The following SC5D variants were observed in gnomAD, a reference collection of about 807,000 sequenced individuals.
SC5D encodes lathosterol oxidase.
In SC5D, 21 loss-of-function variants were observed where a neutral mutation model predicts 23.9. The observed-to-expected ratio is 0.88, with a 90% confidence interval of 0.62 to 1.26. The LOEUF is 1.26. Ranked by LOEUF, SC5D falls within the 50% of genes most tolerant of loss-of-function variation. The pLI, the probability that SC5D is intolerant of heterozygous loss-of-function variation, is 0.00. For synonymous variants in SC5D, 113 were observed against 125.9 expected, an observed-to-expected ratio of 0.90 and a Z score of 0.68; for missense variants, 309 against 364.8, an observed-to-expected ratio of 0.85 and a Z score of 1.25.
Position 121,313,091 on chromosome 11 carries a change from T to A in SC5D, c.*5579T>A, listed in dbSNP as rs961439438. 6.6e-6 allele frequency among the ~76,000 whole-genome samples: 1 copy of A among 152,210 alleles called. No individual in the cohort carries two copies. The highest frequency in any genetic ancestry group is 2.4e-5 in the African/African-American group (1 of 41,464). On this transcript the variant is annotated 3_prime_UTR_variant, in exon 5 of 5. Transcript: ENST00000264027. ...GAACATTTTCTTACCAGAATAAATTTCCTCTCCGTTTGCAGTCATTCTCCC... is the reference window on the plus strand; with the variant it reads ...GAACATTTTCTTACCAGAATAAATTACCTCTCCGTTTGCAGTCATTCTCCC...
rs1394102379 is a variant in SC5D at position 121,312,488 on chromosome 11, T to A, written c.*4976T>A. Among the ~76,000 whole-genome samples, 1 of 152,140 alleles carries A rather than the reference T, an allele frequency of 6.6e-6. No homozygotes were observed. The highest frequency in any genetic ancestry group is 1.5e-5 in the Non-Finnish European group (1 of 67,998). On this transcript the variant is annotated 3_prime_UTR_variant, in exon 5 of 5. Transcript: ENST00000264027. The stretch of plus-strand genomic sequence containing the variant: ...TTTTCTTAAACATTTGATAAGAGAT[T>A]TAATATTTTGATCCAACTACCAAAA...
rs1325458437 is a variant in SC5D, at chr11:121,311,075, C to T, written c.*3563C>T. Among the ~76,000 whole-genome samples the T allele has an allele frequency of 1.3e-5, 2 of 152,150 alleles. No homozygotes were observed. The highest frequency in any genetic ancestry group is 4.8e-5 in the African/African-American group (2 of 41,428). ...ACCTATTACTTTTATGTGTGTCTTA[C>T]CTATTTGAGATGCCAGATTCCTTGG... On this transcript the variant is annotated 3_prime_UTR_variant, in exon 5 of 5. Coordinates refer to ENST00000264027, the MANE Select transcript of SC5D (RefSeq NM_006918.5).
At position 121,296,431 on chromosome 11, in the gene SC5D, T is replaced by C. The variant is rs959062147; in HGVS notation, c.-11+3615T>C. Among the ~76,000 whole-genome samples, 10 of 152,216 alleles carry C rather than the reference T, an allele frequency of 6.6e-5. No homozygotes were observed. In the East Asian group the frequency reaches 1.5e-3, roughly 23 times the overall value. ...GCAGTGAGCCATGAATGCATCATGC[T>C]CTTCTCTTGCTTTGCAGTTGTGACT... On this transcript the variant is annotated intron_variant, in intron 1 of 4. Transcript: ENST00000264027.
At chr11:121,304,274 T>G in intron 2 of SC5D, 87 bp from the exon 3 acceptor site, 1 of 1,290,032 alleles carries the variant, frequency 7.8e-7, no homozygotes, top group Non-Finnish European at 1.1e-6. Flanking sequence ...TAAAAGAGAT[T>G]TTAAAAATCC....
rs1026502534 is a variant in SC5D, at chr11:121,303,232, G to A, written c.-10-134G>A. The A allele has an allele frequency of 5.8e-6, 4 of 688,298 alleles. No individual in the cohort carries two copies. In the Admixed American group the frequency reaches 8.6e-5, roughly 15 times the overall value. 42.6% of individuals were successfully genotyped at this position (688,298 alleles called of 1,614,324 possible). A position where few individuals can be genotyped will look rare whatever the true frequency, so the allele number is the denominator to read the frequency against. The stretch of plus-strand genomic sequence containing the variant: ...TCTGGCTCTAAAGATGGCATGTAGG[G>A]GATTCTGATAGCAGCAGATGTACTG... On this transcript the variant is annotated intron_variant, in intron 1 of 4. Coordinates refer to ENST00000264027, the MANE Select transcript of SC5D (RefSeq NM_006918.5).
Position 121,301,720 on chromosome 11 carries a change from A to G in SC5D, c.-10-1646A>G, listed in dbSNP as rs187164379. Among the ~76,000 whole-genome samples, 385 of 152,300 alleles carry G rather than the reference A, an allele frequency of 2.5e-3. 2 individuals carry two copies. Among genetic ancestry groups the G allele is most frequent in the Non-Finnish European group, 2.9e-3 (200 of 68,034 alleles). On this transcript the variant is annotated intron_variant, in intron 1 of 4. Coordinates refer to ENST00000264027, the MANE Select transcript of SC5D (RefSeq NM_006918.5). ...TCTGAGAATGCTAAAAAACTAGTCAATCATATACTTTAGTGAATTTTATGG... is the reference window on the plus strand; with the variant it reads ...TCTGAGAATGCTAAAAAACTAGTCAGTCATATACTTTAGTGAATTTTATGG...
Position 121,307,855 on chromosome 11 carries a change from T to A in SC5D, c.*343T>A, listed in dbSNP as rs932367501. 5.3e-6 allele frequency: 1 copy of A among 187,716 alleles called. No individual in the cohort carries two copies. The highest frequency in any genetic ancestry group is 2.4e-5 in the African/African-American group (1 of 42,258). 11.6% of individuals were successfully genotyped at this position (187,716 alleles called of 1,614,324 possible). ...GGGGACTAGGCTATATGCATTTGCC[T>A]TCATCCACCCATGTTTATTAAGAAT... On this transcript the variant is annotated 3_prime_UTR_variant, in exon 5 of 5. Transcript: ENST00000264027.
In SC5D at chr11:121,311,474, A is replaced by G. The variant is rs1267185771; in HGVS notation, c.*3962A>G. ...CCCTTTGGAAACAAAACCCACCAGT[A>G]CCCCAGATTTTGACCACAGATGAAT... On this transcript the variant is annotated 3_prime_UTR_variant, in exon 5 of 5. Coordinates refer to ENST00000264027, the MANE Select transcript of SC5D (RefSeq NM_006918.5). 6.6e-6 allele frequency among the ~76,000 whole-genome samples: 1 copy of G among 152,176 alleles called. No individual in the cohort carries two copies. Among genetic ancestry groups the G allele is most frequent in the African/African-American group, 2.4e-5 (1 of 41,450 alleles).
chr11:121,294,867 C>A (rs1163112079), intron 1 of SC5D, among the ~76,000 whole-genome samples: 1 of 152,188 alleles, frequency 6.6e-6, no homozygotes, highest in Non-Finnish European at 1.5e-5. Context: ...TCAGCTGTTA[C>A]CAACCTTTAG....
chr11:121,299,531 AT>A (rs1425871435), intron 1 of SC5D, among the ~76,000 whole-genome samples: 3 of 152,250 alleles, frequency 2.0e-5, no homozygotes, highest in Admixed American at 2.0e-4. Flanking sequence ...ATACAAATGA[AT>A]TATAATACCA....
intron 1 of SC5D, 56 bp downstream of exon 1, chr11:121,292,872 C>CG (rs1045820033): frequency 2.6e-5 from 4 of 152,402 alleles, no homozygotes; most frequent in South Asian, 2.1e-4. Flanking sequence ...CGGGCTGGGC[C>CG]GGGGGGCGAT....
In SC5D at chr11:121,308,679, G is replaced by A. The variant is rs1433008073; in HGVS notation, c.*1167G>A. ...AGCAGCACAAAGTATTCTTTGTACA[G>A]ATTTTGTGCCAATTTGAAGCCACAG... On this transcript the variant is annotated 3_prime_UTR_variant, in exon 5 of 5. Transcript: ENST00000264027. The A allele has an allele frequency of 6.6e-6, 1 of 152,650 alleles. No homozygotes were observed. Among genetic ancestry groups the A allele is most frequent in the African/African-American group, 2.4e-5 (1 of 41,462 alleles). 9.5% of individuals were successfully genotyped at this position (152,650 alleles called of 1,614,324 possible). A position where few individuals can be genotyped will look rare whatever the true frequency, so the allele number is the denominator to read the frequency against.
At chr11:121,304,211 T>C (rs1282458492) in intron 2 of SC5D, 150 bp from the exon 3 acceptor site, 1 of 659,522 alleles carries the variant, frequency 1.5e-6, no homozygotes, top group Non-Finnish European at 2.7e-6. Flanking sequence ...ACATACCTAT[T>C]TTTATGTATT....
rs1427870810 is a variant in SC5D, at chr11:121,308,514, A to G, written c.*1002A>G. On this transcript the variant is annotated 3_prime_UTR_variant, in exon 5 of 5. Coordinates refer to ENST00000264027, the MANE Select transcript of SC5D (RefSeq NM_006918.5). ...TTTTCCCTACTTCCTCTGCAAAAAGATTTAACAAATACATTCATAAGGAAA... is the reference window on the plus strand; with the variant it reads ...TTTTCCCTACTTCCTCTGCAAAAAGGTTTAACAAATACATTCATAAGGAAA... 1.3e-5 allele frequency: 2 copies of G among 152,554 alleles called. No individual in the cohort carries two copies. Among genetic ancestry groups the G allele is most frequent in the Non-Finnish European group, 2.9e-5 (2 of 68,042 alleles). The allele number at this position is 152,554 out of a possible 1,614,324, so 9.5% of individuals were successfully genotyped here.
In SC5D at chr11:121,312,027, T is replaced by A. The variant is rs1948014769; in HGVS notation, c.*4515T>A. Among the ~76,000 whole-genome samples, 1 of 152,218 alleles carries A rather than the reference T, an allele frequency of 6.6e-6. No homozygotes were observed. Among genetic ancestry groups the A allele is most frequent in the Non-Finnish European group, 1.5e-5 (1 of 68,024 alleles). On this transcript the variant is annotated 3_prime_UTR_variant, in exon 5 of 5. Coordinates refer to ENST00000264027, the MANE Select transcript of SC5D (RefSeq NM_006918.5). The stretch of plus-strand genomic sequence containing the variant: ...TTAACATTATTTACTGTAAGTTATC[T>A]TTGTAAGAGTGGTAAAATACATTGT...
chr11:121,299,611 T>G (rs1368461168), intron 1 of SC5D, among the ~76,000 whole-genome samples: 1 of 152,236 alleles, frequency 6.6e-6, no homozygotes, highest in Non-Finnish European at 1.5e-5. Context: ...TGATATGAGC[T>G]GGTCATGGTG....
chr11:121,300,460 G>T (rs1947918837), intron 1 of SC5D, among the ~76,000 whole-genome samples: 1 of 152,178 alleles, frequency 6.6e-6, no homozygotes, highest in Non-Finnish European at 1.5e-5. Context: ...AATTCTCAAG[G>T]CTTGTGTTTA....
intron 1 of SC5D, among the ~76,000 whole-genome samples, chr11:121,295,748 A>G (rs1347529968): frequency 2.0e-5 from 3 of 152,020 alleles, no homozygotes; most frequent in Non-Finnish European, 2.9e-5. Flanking sequence ...CCCTATTCCT[A>G]CCCTACCCAA....
rs186378511 is a variant in SC5D, at chr11:121,304,496, A to G, written c.343+3A>G. 255 of 1,613,398 alleles carry G rather than the reference A, an allele frequency of 1.6e-4. 3 individuals carry two copies. The East Asian group carries it at 4.9e-3, about 31-fold the overall frequency. On this transcript the variant is annotated splice_donor_region_variant and intron_variant, in intron 3 of 4. Transcript: ENST00000264027. ...TGACCTAGGAGAGTTTCCATATGGT[A>G]AGTAAATAACACGAGTGTCAGGAAG...
Sources: gnomAD v4.1 joint callset for allele counts (sites outside exome capture counted in the v4.1 genomes callset) on GRCh38, gnomAD v4.1.1 for gene constraint, MANE v1.5 for transcripts, NCBI Gene and HGNC (gene_info 2026-07-23, HGNC 2026-07-21) for gene names.